LUZP2: variants seen among roughly 807,000 people sequenced by gnomAD.
LUZP2 encodes the protein leucine zipper protein 2.
Under a neutral mutation model 51.6 loss-of-function variants are expected in LUZP2, and 52 were observed. That is an observed-to-expected ratio of 1.01 (90% CI 0.81 to 1.27). LUZP2 has a LOEUF of 1.27. Among genes scored for constraint, LUZP2 ranks in the 50% most tolerant of loss-of-function variants. The pLI is 0.00. For synonymous variants in LUZP2, 154 were observed against 137.3 expected (o/e 1.12, Z -0.85); for missense variants, 436 against 395.4 (o/e 1.10, Z -0.87).
At chr11:24,750,552 C>T (rs1859540655) in intron 4 of LUZP2, among the ~76,000 whole-genome samples, 3 of 152,102 alleles carry the variant, frequency 2.0e-5, no homozygotes, top group East Asian at 3.9e-4. Flanking sequence ...CAGTTGGTAA[C>T]TTATAATAAT....
intron 5 of LUZP2, among the ~76,000 whole-genome samples, chr11:24,801,256 T>TC (rs1849691411): frequency 6.6e-6 from 1 of 152,042 alleles, no homozygotes; most frequent in Non-Finnish European, 1.5e-5. Flanking sequence ...GAATACCATC[T>TC]CCCTTTTCCA....
chr11:24,907,688 G>T (rs561259258), intron 6 of LUZP2, among the ~76,000 whole-genome samples: 84 of 152,198 alleles, frequency 5.5e-4, no homozygotes, highest in South Asian at 1.7e-3. Context: ...TGTGTTCAGG[G>T]TTCACATGAC....
chr11:24,877,167 G>T (rs867850746), intron 5 of LUZP2, among the ~76,000 whole-genome samples: 1 of 152,248 alleles, frequency 6.6e-6, no homozygotes, highest in South Asian at 2.1e-4. Context: ...AATGATCATT[G>T]TGTTATCTCT....
At chr11:24,857,614 A>G (rs1035369965) in intron 5 of LUZP2, among the ~76,000 whole-genome samples, 20 of 150,858 alleles carry the variant, frequency 1.3e-4, no homozygotes, top group African/African-American at 4.9e-4. Context: ...CAGTGCTAAT[A>G]TATGTAAAAC....
intron 10 of LUZP2, among the ~76,000 whole-genome samples, chr11:25,053,608 A>G (rs1273003751): frequency 2.0e-5 from 3 of 151,024 alleles, no homozygotes; most frequent in Non-Finnish European, 2.9e-5. Context: ...AACCAAAAAC[A>G]TGGTTTCTTT....
chr11:24,949,930 C>T (rs1855028786), intron 7 of LUZP2, among the ~76,000 whole-genome samples: 1 of 150,124 alleles, frequency 6.7e-6, no homozygotes, highest in Non-Finnish European at 1.5e-5. Context: ...TTCTTTGTAA[C>T]TCAAATGCTC....
intron 5 of LUZP2, among the ~76,000 whole-genome samples, chr11:24,764,514 AAAT>A (rs1428337468): frequency 2.9e-5 from 3 of 105,226 alleles, no homozygotes; most frequent in Non-Finnish European, 4.2e-5. Context: ...AAAAAAAAAA[AAAT>A]TAGCTGGGAG....
intron 7 of LUZP2, among the ~76,000 whole-genome samples, chr11:24,942,958 T>A (rs1379322306): frequency 6.6e-6 from 1 of 152,204 alleles, no homozygotes; most frequent in Non-Finnish European, 1.5e-5. Flanking sequence ...AGTTACATCA[T>A]AATTTATTTT....
chr11:24,984,228 A>C (rs1856122235), intron 9 of LUZP2, among the ~76,000 whole-genome samples: 1 of 151,450 alleles, frequency 6.6e-6, no homozygotes, highest in Non-Finnish European at 1.5e-5. Context: ...GCAAATACCT[A>C]ATGATGTGTT....
At chr11:24,773,376 G>T (rs991888130) in intron 5 of LUZP2, among the ~76,000 whole-genome samples, 4 of 151,974 alleles carry the variant, frequency 2.6e-5, no homozygotes, top group Non-Finnish European at 4.4e-5. Flanking sequence ...TAACTTGGAA[G>T]GAAGAATTCA....
At chr11:24,511,676 A>ATATGTATTT (rs1427584345) in intron 1 of LUZP2, among the ~76,000 whole-genome samples, 1 of 152,204 alleles carries the variant, frequency 6.6e-6, no homozygotes, top group African/African-American at 2.4e-5. Flanking sequence ...GGCAAAGTTC[A>ATATGTATTT]TATGTATTTT....
At chr11:24,533,439 G>C (rs1054858072) in intron 1 of LUZP2, among the ~76,000 whole-genome samples, 1 of 151,010 alleles carries the variant, frequency 6.6e-6, no homozygotes, top group Non-Finnish European at 1.5e-5. Context: ...ATACTTGCAC[G>C]GTTGTCTTTT....
chr11:24,860,231 G>C (rs1851697048), intron 5 of LUZP2, among the ~76,000 whole-genome samples: 1 of 152,158 alleles, frequency 6.6e-6, no homozygotes, highest in Admixed American at 6.5e-5. Context: ...TTCCTCACTG[G>C]GTGGGGCTTC....
intron 5 of LUZP2, among the ~76,000 whole-genome samples, chr11:24,772,083 T>A (rs548229153): frequency 6.6e-6 from 1 of 152,332 alleles, no homozygotes; most frequent in Non-Finnish European, 1.5e-5. Context: ...GACTGATATC[T>A]GAGAATCACT....
chr11:24,989,682 G>A (rs982501084), intron 9 of LUZP2, among the ~76,000 whole-genome samples: 2 of 151,966 alleles, frequency 1.3e-5, no homozygotes, highest in Admixed American at 1.3e-4. Context: ...ATGAACAACT[G>A]GGATACGGTG....
At chr11:24,583,703 T>G (rs1261982192) in intron 1 of LUZP2, among the ~76,000 whole-genome samples, 2 of 148,656 alleles carry the variant, frequency 1.3e-5, no homozygotes, top group Non-Finnish European at 3.0e-5. Context: ...GATGTATACC[T>G]TACTTTTTTT....
chr11:25,008,644 A>G (rs768104719), intron 9 of LUZP2, among the ~76,000 whole-genome samples: 1 of 152,152 alleles, frequency 6.6e-6, no homozygotes. Context: ...CTCAGGCTCC[A>G]GGTTCCTGTC....
intron 1 of LUZP2, among the ~76,000 whole-genome samples, chr11:24,658,245 G>C (rs961470374): frequency 1.3e-5 from 2 of 152,158 alleles, no homozygotes; most frequent in Admixed American, 1.3e-4. Context: ...CAATGGAACA[G>C]AACACAGCCC....
intron 1 of LUZP2, chr11:24,701,131 G>C (rs1253536116): frequency 6.6e-6 from 1 of 152,588 alleles, no homozygotes; most frequent in Non-Finnish European, 1.5e-5. Context: ...GTTAAATCCT[G>C]TTCCACCTGG....
Sources: gnomAD v4.1 joint callset for allele counts (sites outside exome capture counted in the v4.1 genomes callset) on GRCh38, gnomAD v4.1.1 for gene constraint, MANE v1.5 for transcripts, NCBI Gene and HGNC (gene_info 2026-07-23, HGNC 2026-07-21) for gene names.